Variants in RALGPS2 observed in about 807,000 individuals in gnomAD.
RALGPS2 encodes the protein Ral GEF with PH domain and SH3 binding motif 2.
RALGPS2 carries 43 observed loss-of-function variants against 86.8 expected under a neutral mutation model. The observed-to-expected ratio is 0.50, with a 90% CI of 0.39 to 0.64. The LOEUF (loss-of-function observed/expected upper bound fraction) is 0.64. Among genes scored for constraint, RALGPS2 ranks in the 30% least tolerant of loss-of-function variants. The pLI is 0.00. For synonymous variants in RALGPS2, 243 were observed against 231.3 expected (o/e 1.05, Z -0.46); for missense variants, 536 against 694.6 (o/e 0.77, Z 2.57).
intron 8 of RALGPS2, among the ~76,000 whole-genome samples, chr1:178,866,321 AT>A (rs1203481228): frequency 1.3e-5 from 2 of 152,308 alleles, no homozygotes; most frequent in East Asian, 3.9e-4. Context: ...TCTGTAATAA[AT>A]TATGTCATCT....
intron 8 of RALGPS2, chr1:178,852,873 C>T: frequency 6.2e-7 from 1 of 1,613,820 alleles, no homozygotes; most frequent in South Asian, 1.1e-5. Flanking sequence ...CAATCAATAA[C>T]TTGTAATTAT....
intron 6 of RALGPS2, among the ~76,000 whole-genome samples, chr1:178,812,667 G>A (rs1425275998): frequency 1.3e-5 from 2 of 152,132 alleles, no homozygotes; most frequent in African/African-American, 4.8e-5. Flanking sequence ...GGTAATTGTA[G>A]CCACGTTCAT....
chr1:178,747,286 T>G, intron 1 of RALGPS2: 1 of 1,521,002 alleles, frequency 6.6e-7, no homozygotes, highest in Non-Finnish European at 9.1e-7. Flanking sequence ...AAGCTGGTGA[T>G]TGAGGGACTC....
At chr1:178,799,499 G>A (rs967161353) in intron 4 of RALGPS2, among the ~76,000 whole-genome samples, 1 of 152,120 alleles carries the variant, frequency 6.6e-6, no homozygotes, top group Non-Finnish European at 1.5e-5. Flanking sequence ...GATCAGGACT[G>A]CCCTTACCTA....
chr1:178,836,772 CT>C (rs1483563095), intron 8 of RALGPS2, among the ~76,000 whole-genome samples: 2 of 151,946 alleles, frequency 1.3e-5, no homozygotes, highest in Non-Finnish European at 2.9e-5. Flanking sequence ...TCTTTTCTTT[CT>C]TTCTTTTTTT....
chr1:178,905,906 G>T (rs1201645389), intron 18 of RALGPS2, among the ~76,000 whole-genome samples: 1 of 152,050 alleles, frequency 6.6e-6, no homozygotes, highest in Non-Finnish European at 1.5e-5. Flanking sequence ...TTCCCCAAGA[G>T]CCCTCAACAG....
intron 19 of RALGPS2, among the ~76,000 whole-genome samples, chr1:178,909,500 A>G (rs1369796285): frequency 3.3e-5 from 5 of 152,066 alleles, no homozygotes; most frequent in African/African-American, 9.7e-5. Context: ...TAAGAATAGC[A>G]TTGAATCTGT....
At chr1:178,852,779 G>T (rs140806007) in intron 8 of RALGPS2, 4 of 1,613,834 alleles carry the variant, frequency 2.5e-6, no homozygotes, top group African/African-American at 2.7e-5. Context: ...GTTCCCAGGC[G>T]CAGTCTATAG....
intron 8 of RALGPS2, among the ~76,000 whole-genome samples, chr1:178,834,504 A>G (rs985915401): frequency 2.0e-5 from 3 of 152,212 alleles, no homozygotes; most frequent in Non-Finnish European, 4.4e-5. Flanking sequence ...AGTTTCCCAG[A>G]GAAGAGTTTA....
At chr1:178,757,793 A>G (rs1156576129) in intron 1 of RALGPS2, among the ~76,000 whole-genome samples, 2 of 152,154 alleles carry the variant, frequency 1.3e-5, no homozygotes, top group Non-Finnish European at 2.9e-5. Context: ...TATCAAGGTG[A>G]TGCTGGCTTC....
chr1:178,791,884 C>T (rs558288698), intron 4 of RALGPS2, among the ~76,000 whole-genome samples: 6 of 151,930 alleles, frequency 3.9e-5, no homozygotes, highest in East Asian at 1.9e-4. Flanking sequence ...CAGAATTGCT[C>T]GGGGGAAAAA....
rs569873167 is a variant in RALGPS2 at position 178,908,621 on chromosome 1, G to A, written c.1722+1754G>A. Among the ~76,000 whole-genome samples, 53 of 152,278 alleles carry A rather than the reference G, an allele frequency of 3.5e-4. No homozygotes were observed. In the Middle Eastern group the frequency reaches 0.01, roughly 29 times the overall value. On this transcript the variant is annotated intron_variant, in intron 19 of 19. Transcript: ENST00000367635. Reference sequence around the variant, plus strand: ...GACTTAGCCATTCTGACTGGTGTGAGATGGTATCTCATTGCAATTTTGATT... The same window carrying A: ...GACTTAGCCATTCTGACTGGTGTGAAATGGTATCTCATTGCAATTTTGATT...
chr1:178,769,617 C>T (rs1345608594), intron 1 of RALGPS2, among the ~76,000 whole-genome samples: 1 of 152,102 alleles, frequency 6.6e-6, no homozygotes, highest in African/African-American at 2.4e-5. Context: ...CCCTGCTGCA[C>T]CACGATCTTA....
At chr1:178,779,636 A>G (rs1018305597) in intron 2 of RALGPS2, among the ~76,000 whole-genome samples, 2 of 152,242 alleles carry the variant, frequency 1.3e-5, no homozygotes, top group Non-Finnish European at 2.9e-5. Context: ...GTTCTGCTCC[A>G]CAACCATAAA....
chr1:178,777,301 A>G (rs1250762363), intron 2 of RALGPS2, among the ~76,000 whole-genome samples: 2 of 152,138 alleles, frequency 1.3e-5, no homozygotes, highest in Non-Finnish European at 2.9e-5. Flanking sequence ...AATTGCTTCA[A>G]AGAGAATAAA....
At chr1:178,862,171 C>A (rs111693109) in intron 8 of RALGPS2, among the ~76,000 whole-genome samples, 3 of 151,904 alleles carry the variant, frequency 2.0e-5, no homozygotes, top group African/African-American at 7.3e-5. Flanking sequence ...CCATGCCCGG[C>A]GAGGATATTA....
intron 8 of RALGPS2, among the ~76,000 whole-genome samples, chr1:178,862,654 G>C (rs1384716870): frequency 6.6e-6 from 1 of 151,308 alleles, no homozygotes; most frequent in Non-Finnish European, 1.5e-5. Context: ...TGGTTGGTTT[G>C]GCTTGAGCCT....
intron 8 of RALGPS2, chr1:178,850,889 T>C (rs1657129214): frequency 2.9e-6 from 1 of 346,148 alleles, no homozygotes; most frequent in Non-Finnish European, 5.1e-6. Flanking sequence ...AAAACAAACT[T>C]TGTATTTAGT....
intron 1 of RALGPS2, among the ~76,000 whole-genome samples, chr1:178,757,275 T>C (rs1652004250): frequency 6.6e-6 from 1 of 152,166 alleles, no homozygotes; most frequent in Non-Finnish European, 1.5e-5. Context: ...ATTTTTTTCC[T>C]ATTTGGATGC....
Sources: gnomAD v4.1 joint callset for allele counts (sites outside exome capture counted in the v4.1 genomes callset) on GRCh38, gnomAD v4.1.1 for gene constraint, MANE v1.5 for transcripts, NCBI Gene and HGNC (gene_info 2026-07-23, HGNC 2026-07-21) for gene names.